Variants in GABRG3 observed in about 807,000 individuals in gnomAD.
The protein encoded by GABRG3 is gamma-aminobutyric acid receptor subunit gamma-3.
GABRG3 carries 25 observed loss-of-function variants against 48.8 expected under a neutral mutation model. That is an observed-to-expected ratio of 0.51 (90% CI 0.37 to 0.72). GABRG3 has a LOEUF of 0.72. Among genes scored for constraint, GABRG3 ranks in the 30% least tolerant of loss-of-function variants. The probability of loss-of-function intolerance (pLI) is 0.00; values close to 1 mark genes in which losing one functional copy is unlikely to be tolerated. For synonymous variants in GABRG3, 227 were observed against 217.6 expected (o/e 1.04, Z -0.38); for missense variants, 394 against 577.9 (o/e 0.68, Z 3.26).
chr15:27,101,919 C>T (rs578062521), intron 3 of GABRG3, among the ~76,000 whole-genome samples: 2 of 151,176 alleles, frequency 1.3e-5, no homozygotes, highest in African/African-American at 4.9e-5. Flanking sequence ...TTGTGTTGGG[C>T]TGCATTCAAA....
At chr15:26,991,494 C>T (rs906819889) in intron 2 of GABRG3, among the ~76,000 whole-genome samples, 79 of 151,928 alleles carry the variant, frequency 5.2e-4, no homozygotes, top group African/African-American at 1.7e-3. Context: ...GGATTGCATT[C>T]AATTTATAGA....
chr15:27,345,103 T>G (rs1269799782), intron 5 of GABRG3, among the ~76,000 whole-genome samples: 2 of 152,312 alleles, frequency 1.3e-5, no homozygotes, highest in Non-Finnish European at 2.9e-5. Flanking sequence ...TAAAATGAGT[T>G]TCTTTAGACA....
At chr15:27,377,752 AC>A (rs1895644264) in intron 5 of GABRG3, among the ~76,000 whole-genome samples, 1 of 152,204 alleles carries the variant, frequency 6.6e-6, no homozygotes, top group African/African-American at 2.4e-5. Context: ...AGGGAGCAGC[AC>A]CATCTACATG....
At chr15:27,412,017 C>T (rs1281217995) in intron 5 of GABRG3, among the ~76,000 whole-genome samples, 3 of 151,912 alleles carry the variant, frequency 2.0e-5, no homozygotes, top group Admixed American at 6.6e-5. Flanking sequence ...GCTTGAAGAA[C>T]TTCGTATAAT....
Position 27,148,879 on chromosome 15 carries a change from G to A in GABRG3, c.270+122058G>A, listed in dbSNP as rs182138050. On this transcript the variant is annotated intron_variant, in intron 3 of 9. Coordinates refer to ENST00000615808, the MANE Select transcript of GABRG3 (RefSeq NM_033223.5). The stretch of plus-strand genomic sequence containing the variant: ...AATAAATGTAACCTATGAAAAATCC[G>A]CAACTAATATCATACTTAATAATAA... Among the ~76,000 whole-genome samples, 27 of 151,992 alleles carry A rather than the reference G, an allele frequency of 1.8e-4. 1 individual carries two copies. Among genetic ancestry groups the A allele is most frequent in the East Asian group, 1.7e-3 (9 of 5,174 alleles).
chr15:27,238,510 A>C (rs1279623717), intron 3 of GABRG3, among the ~76,000 whole-genome samples: 1 of 152,214 alleles, frequency 6.6e-6, no homozygotes, highest in Non-Finnish European at 1.5e-5. Flanking sequence ...AATCTTATTA[A>C]ATTATGTACT....
intron 3 of GABRG3, among the ~76,000 whole-genome samples, chr15:27,088,308 A>T (rs1897122136): frequency 6.7e-6 from 1 of 150,082 alleles, no homozygotes; most frequent in Admixed American, 6.6e-5. Context: ...TGGTGGCTAA[A>T]GGTGGGGTCC....
intron 6 of GABRG3, among the ~76,000 whole-genome samples, chr15:27,507,042 T>G (rs550469563): frequency 6.6e-6 from 1 of 152,334 alleles, no homozygotes; most frequent in South Asian, 2.1e-4. Flanking sequence ...CAGTTCAAAA[T>G]ATTTTTAATT....
chr15:27,303,757 T>C (rs1892295262), intron 3 of GABRG3, among the ~76,000 whole-genome samples: 1 of 151,354 alleles, frequency 6.6e-6, no homozygotes, highest in South Asian at 2.1e-4. Flanking sequence ...TGTGTGTATA[T>C]ATATATATAC....
chr15:27,317,705 G>A (rs765950394), intron 3 of GABRG3, among the ~76,000 whole-genome samples: 1 of 152,202 alleles, frequency 6.6e-6, no homozygotes, highest in Non-Finnish European at 1.5e-5. Context: ...CGCTGGTGAA[G>A]CATTTAGAAT....
chr15:27,259,828 C>T (rs1437998973), intron 3 of GABRG3, among the ~76,000 whole-genome samples: 2 of 152,138 alleles, frequency 1.3e-5, no homozygotes, highest in East Asian at 3.9e-4. Context: ...AGGGAATCCA[C>T]ATATGGGGAA....
At chr15:27,387,713 A>G (rs927069653) in intron 5 of GABRG3, among the ~76,000 whole-genome samples, 3 of 147,494 alleles carry the variant, frequency 2.0e-5, no homozygotes, top group Non-Finnish European at 4.5e-5. Context: ...TCTGTCCCCC[A>G]GTCTCCACAG....
At chr15:27,403,909 A>G (rs564159001) in intron 5 of GABRG3, among the ~76,000 whole-genome samples, 2 of 127,046 alleles carry the variant, frequency 1.6e-5, no homozygotes, top group South Asian at 4.9e-4. Context: ...AGACTCAAAA[A>G]AAAACAAAAA....
intron 3 of GABRG3, among the ~76,000 whole-genome samples, chr15:27,091,867 G>T (rs1247180057): frequency 6.6e-6 from 1 of 152,184 alleles, no homozygotes; most frequent in African/African-American, 2.4e-5. Flanking sequence ...AAATCCTGCA[G>T]TGTTCTCCTG....
intron 5 of GABRG3, chr15:27,350,236 T>C (rs540720147): frequency 1.1e-5 from 5 of 455,014 alleles, no homozygotes; most frequent in African/African-American, 1.0e-4. Context: ...CTTCCATTCG[T>C]GGGGAAATGA....
intron 2 of GABRG3, among the ~76,000 whole-genome samples, chr15:27,011,664 G>C (rs945202305): frequency 6.6e-6 from 1 of 151,972 alleles, no homozygotes; most frequent in Non-Finnish European, 1.5e-5. Context: ...TGGCTAACAC[G>C]GTGAAACCCT....
At chr15:27,108,871 T>C (rs958566058) in intron 3 of GABRG3, among the ~76,000 whole-genome samples, 1 of 152,214 alleles carries the variant, frequency 6.6e-6, no homozygotes, top group Non-Finnish European at 1.5e-5. Flanking sequence ...CCTGATTTTC[T>C]GTAATTAATA....
intron 2 of GABRG3, among the ~76,000 whole-genome samples, chr15:27,021,820 G>A (rs1895900945): frequency 6.6e-6 from 1 of 152,278 alleles, no homozygotes; most frequent in East Asian, 1.9e-4. Flanking sequence ...TCCAGCGTGG[G>A]CAACAGAGCA....
intron 2 of GABRG3, among the ~76,000 whole-genome samples, chr15:26,989,218 A>T (rs113185591): frequency 2.0e-5 from 3 of 152,316 alleles, no homozygotes; most frequent in African/African-American, 7.2e-5. Flanking sequence ...TATCAATGTG[A>T]TAGCATGTAT....
Sources: allele counts gnomAD v4.1 joint callset (sites outside exome capture counted in the v4.1 genomes callset), GRCh38; gene constraint gnomAD v4.1.1; transcripts MANE v1.5; gene names NCBI Gene and HGNC (gene_info 2026-07-23, HGNC 2026-07-21).